Variants in ZDHHC11 observed in about 807,000 individuals in gnomAD.
The protein encoded by ZDHHC11 is palmitoyltransferase ZDHHC11.
Under a neutral mutation model 51.3 loss-of-function variants are expected in ZDHHC11, and 44 were observed. That is an observed-to-expected ratio of 0.86 (90% CI 0.67 to 1.10). The LOEUF is 1.10. Ranked by LOEUF, ZDHHC11 falls within the 50% of genes least tolerant of loss-of-function variation. ZDHHC11 has a pLI of 0.00. For missense variants in ZDHHC11, 400 were observed against 537.7 expected (o/e 0.74, Z 2.53); for synonymous variants, 163 against 222.0 (o/e 0.73, Z 2.36).
intron 5 of ZDHHC11, chr5:839,443 T>A (rs1744412276): frequency 7.1e-6 from 1 of 141,520 alleles, no homozygotes; most frequent in South Asian, 2.3e-4. Context: ...AACAGCACAT[T>A]CAGCTCTGTG....
At chr5:801,014 G>A in intron 12 of ZDHHC11, 86 bp downstream of exon 12, 1 of 1,521,494 alleles carries the variant, frequency 6.6e-7, no homozygotes, top group Non-Finnish European at 9.1e-7. Flanking sequence ...AGTTTGCACT[G>A]GTGATTTTTT....
intron 4 of ZDHHC11, chr5:841,171 A>T (rs1248215410): frequency 2.9e-6 from 3 of 1,034,278 alleles, no homozygotes; most frequent in African/African-American, 3.6e-5. Context: ...CCCCTTCCTA[A>T]GTGCCGGGGT....
In ZDHHC11 at chr5:816,686, T is replaced by C. The variant is rs1250084466; in HGVS notation, c.1147-1891A>G. 32 of 604,116 alleles carry C rather than the reference T, an allele frequency of 5.3e-5. 1 individual carries two copies. In the Admixed American group the frequency reaches 6.3e-4, roughly 12 times the overall value. The allele number at this position is 604,116 out of a possible 1,614,324, so 37.4% of individuals were successfully genotyped here. On this transcript the variant is annotated intron_variant, in intron 10 of 12. Transcript: ENST00000283441. ...TCCAGAGTCCAAGCCCGTTTTGGCT[T>C]TGTGATGATGGGAATTCTGACTATT...
chr5:848,631 G>A lies in ZDHHC11; in HGVS notation c.252C>T (p.Leu84=), dbSNP rs1442520717. Reference sequence around the variant, plus strand: ...TGCAGGACGCGATCAGGTGGACGACGAGGTGGAACGAGAAGATCCCCCCGG... The same window carrying A: ...TGCAGGACGCGATCAGGTGGACGACAAGGTGGAACGAGAAGATCCCCCCGG... The part of the protein sequence containing the change: ...VVTGGIFSFH[L]VVHLIASCID... The change falls in exon 2 of 13, where the codon CTC becomes CTT. Residue 84 remains leucine (L), a synonymous_variant. Coordinates refer to ENST00000283441, the MANE Select transcript of ZDHHC11 (RefSeq NM_024786.3). The A allele has an allele frequency of 2.6e-6, 4 of 1,524,534 alleles. No individual in the cohort carries two copies. Among genetic ancestry groups the A allele is most frequent in the South Asian group, 2.7e-5 (2 of 73,208 alleles). The allele number at this position is 1,524,534 out of a possible 1,614,324, so 94.4% of individuals were successfully genotyped here.
intron 8 of ZDHHC11, chr5:823,889 T>G: frequency 1.1e-5 from 4 of 362,802 alleles, no homozygotes; most frequent in Non-Finnish European, 2.2e-5. Context: ...GTGAGGGAAC[T>G]TTGGTGGCTG....
chr5:822,562 A>T (rs12109635), intron 8 of ZDHHC11, among the ~76,000 whole-genome samples: 9,530 of 150,934 alleles, frequency 0.063, 778 homozygotes, highest in African/African-American at 0.22. Context: ...TCAGCATCTG[A>T]AGCTTTGCCA....
At chr5:811,711 T>C (rs552681364) in intron 11 of ZDHHC11, among the ~76,000 whole-genome samples, 7 of 151,470 alleles carry the variant, frequency 4.6e-5, no homozygotes, top group Non-Finnish European at 8.8e-5. Context: ...GGTGTATATT[T>C]AATATAATTT....
intron 3 of ZDHHC11, among the ~76,000 whole-genome samples, 184 bp from the exon 4 acceptor site, chr5:843,908 A>C (rs1371436001): frequency 9.4e-6 from 1 of 106,586 alleles, no homozygotes; most frequent in African/African-American, 4.9e-5. Flanking sequence ...AGGCAGGGGC[A>C]GGGACACGCA....
intron 11 of ZDHHC11, among the ~76,000 whole-genome samples, chr5:803,497 A>G (rs1220410452): frequency 2.6e-5 from 4 of 151,398 alleles, no homozygotes; most frequent in Non-Finnish European, 5.9e-5. Flanking sequence ...TTAACAAGAG[A>G]AAATCCACAG....
At chr5:845,573 C>T (rs1310671391) in intron 3 of ZDHHC11, among the ~76,000 whole-genome samples, 6 of 152,182 alleles carry the variant, frequency 3.9e-5, no homozygotes, top group African/African-American at 1.2e-4. Flanking sequence ...TTTCCGTCCC[C>T]CTTCCTCTCT....
At position 817,964 on chromosome 5, in the gene ZDHHC11, C is replaced by T. The variant is rs568565559; in HGVS notation, c.1146+1561G>A. ...GCTCAGCACAGGGCTGTGCCACGGA[C>T]GCGGGTGTCAGTGAAGTCACGTGCA... On this transcript the variant is annotated intron_variant, in intron 10 of 12. Coordinates refer to ENST00000283441, the MANE Select transcript of ZDHHC11 (RefSeq NM_024786.3). 9.1e-4 allele frequency among the ~76,000 whole-genome samples: 138 copies of T among 151,304 alleles called. 3 individuals are homozygous for T. Among genetic ancestry groups the T allele is most frequent in the African/African-American group, 3.2e-3 (134 of 41,324 alleles).
intron 9 of ZDHHC11, 74 bp downstream of exon 9, chr5:821,787 G>C: frequency 1.4e-6 from 2 of 1,397,724 alleles, no homozygotes; most frequent in Non-Finnish European, 2.0e-6. Context: ...ATTTTCCTAA[G>C]TAATTCGAGA....
At chr5:856,840 CCAAA>C (rs1022799562) in intron 1 of ZDHHC11, among the ~76,000 whole-genome samples, 3 of 150,596 alleles carry the variant, frequency 2.0e-5, no homozygotes, top group African/African-American at 7.3e-5. Flanking sequence ...ACCACACACA[CCAAA>C]CATCACACCA....
intron 5 of ZDHHC11, 32 bp downstream of exon 5, chr5:840,463 G>C (rs759924076): frequency 1.6e-5 from 26 of 1,613,006 alleles, no homozygotes; most frequent in Non-Finnish European, 2.0e-5. Context: ...CCCAGCCTTG[G>C]GGGGATCGGG....
chr5:828,284 AG>A (rs920939162), intron 7 of ZDHHC11, among the ~76,000 whole-genome samples: 1 of 151,250 alleles, frequency 6.6e-6, no homozygotes, highest in African/African-American at 2.4e-5. Flanking sequence ...GGCCGGGCAG[AG>A]GGGCTCCTCA....
intron 3 of ZDHHC11, among the ~76,000 whole-genome samples, chr5:845,525 C>T (rs1443997485): frequency 6.6e-6 from 1 of 152,224 alleles, no homozygotes; most frequent in Non-Finnish European, 1.5e-5. Flanking sequence ...GAGGCCAGCG[C>T]TCACAGTCTT....
chr5:839,911 G>C (rs1479671978), intron 5 of ZDHHC11: 1 of 388,244 alleles, frequency 2.6e-6, no homozygotes, highest in African/African-American at 2.1e-5. Flanking sequence ...CAAAACGGCT[G>C]GTGCCAGGAG....
At chr5:805,977 C>T (rs1472434359) in intron 11 of ZDHHC11, among the ~76,000 whole-genome samples, 7 of 151,146 alleles carry the variant, frequency 4.6e-5, no homozygotes, top group South Asian at 4.2e-4. Context: ...ACACAGCAAG[C>T]GGCTAGCCTC....
rs747426582 is a variant in ZDHHC11 at position 795,750 on chromosome 5, A to T, written c.*838T>A. 6.5e-6 allele frequency: 1 copy of T among 154,482 alleles called. No individual in the cohort carries two copies. The highest frequency in any genetic ancestry group is 2.4e-5 in the African/African-American group (1 of 41,320). 9.6% of individuals were successfully genotyped at this position (154,482 alleles called of 1,614,324 possible). A position where few individuals can be genotyped will look rare whatever the true frequency, so the allele number is the denominator to read the frequency against. Reference sequence around the variant, plus strand: ...GACTCTTTTTGTCTACTAAGATAAGAAGTCTGGGCTAGGCTGAAAAACTCA... The same window carrying T: ...GACTCTTTTTGTCTACTAAGATAAGTAGTCTGGGCTAGGCTGAAAAACTCA... On this transcript the variant is annotated 3_prime_UTR_variant, in exon 13 of 13. Transcript: ENST00000283441.
Sources: gnomAD v4.1 joint callset for allele counts (sites outside exome capture counted in the v4.1 genomes callset) on GRCh38, gnomAD v4.1.1 for gene constraint, MANE v1.5 for transcripts, NCBI Gene and HGNC (gene_info 2026-07-23, HGNC 2026-07-21) for gene names.